GRM1: variants seen among roughly 807,000 people sequenced by gnomAD.
The protein encoded by GRM1 is glutamate metabotropic receptor 1, also known as metabotropic glutamate receptor 1.
GRM1 carries 33 observed loss-of-function variants against 90.9 expected under a neutral mutation model. The ratio of observed to expected loss-of-function variants is 0.36; its 90% CI spans 0.28 to 0.49. The LOEUF is 0.49. GRM1 is among the 20% of genes least tolerant of loss of function. The pLI is 0.99. For missense variants in GRM1, 1,190 were observed against 1,534.3 expected, an observed-to-expected ratio of 0.78 and a Z score of 3.75; for synonymous variants, 700 against 613.2, an observed-to-expected ratio of 1.14 and a Z score of -2.09.
intron 3 of GRM1, among the ~76,000 whole-genome samples, chr6:146,336,612 T>C (rs76284360): frequency 0.11 from 16,440 of 152,240 alleles, 1,707 homozygotes; most frequent in African/African-American, 0.27. Flanking sequence ...GTGAGTGTTC[T>C]AGTTGAAAAG....
chr6:146,269,093 A>G (rs1782020475), intron 2 of GRM1, among the ~76,000 whole-genome samples: 1 of 152,218 alleles, frequency 6.6e-6, no homozygotes, highest in African/African-American at 2.4e-5. Flanking sequence ...CAACATATGT[A>G]TTCCTTAAGG....
chr6:146,063,209 GC>G (rs1775732027), intron 1 of GRM1, among the ~76,000 whole-genome samples: 1 of 152,194 alleles, frequency 6.6e-6, no homozygotes, highest in Non-Finnish European at 1.5e-5. Context: ...CCAGAGCAGT[GC>G]CTCAACAAGT....
intron 2 of GRM1, among the ~76,000 whole-genome samples, chr6:146,222,328 C>T (rs1780090572): frequency 6.6e-6 from 1 of 152,118 alleles, no homozygotes; most frequent in Admixed American, 6.6e-5. Flanking sequence ...ATAAGAAAGA[C>T]ATACATGGTA....
intron 1 of GRM1, among the ~76,000 whole-genome samples, chr6:146,120,898 C>CT (rs1775960283): frequency 6.6e-6 from 1 of 152,064 alleles, no homozygotes. Flanking sequence ...CTAAAATTCT[C>CT]TTTTTTTGTT....
At chr6:146,316,640 C>T (rs1783980070) in intron 3 of GRM1, among the ~76,000 whole-genome samples, 1 of 152,206 alleles carries the variant, frequency 6.6e-6, no homozygotes, top group South Asian at 2.1e-4. Flanking sequence ...AACATCCAGG[C>T]AGTTGACGAC....
At chr6:146,333,279 C>T (rs1393763647) in intron 3 of GRM1, among the ~76,000 whole-genome samples, 1 of 152,062 alleles carries the variant, frequency 6.6e-6, no homozygotes, top group Non-Finnish European at 1.5e-5. Flanking sequence ...CATATGGGTG[C>T]AAACAATGGC....
At chr6:146,219,641 T>C (rs972253594) in intron 2 of GRM1, among the ~76,000 whole-genome samples, 2 of 152,166 alleles carry the variant, frequency 1.3e-5, no homozygotes, top group African/African-American at 4.8e-5. Context: ...TCACATATAG[T>C]GAAGATTAAG....
At chr6:146,247,637 G>C (rs899182084) in intron 2 of GRM1, among the ~76,000 whole-genome samples, 2 of 151,326 alleles carry the variant, frequency 1.3e-5, no homozygotes, top group Non-Finnish European at 2.9e-5. Flanking sequence ...TGTAATCCCA[G>C]CTACTTGGGA....
chr6:146,047,569 C>T (rs1582924590), intron 1 of GRM1, among the ~76,000 whole-genome samples: 1 of 51,324 alleles, frequency 1.9e-5, no homozygotes, highest in East Asian at 6.6e-4. Flanking sequence ...AGGTCACATG[C>T]CTCAGGAAAA....
At chr6:146,104,223 G>A (rs199659347) in intron 1 of GRM1, among the ~76,000 whole-genome samples, 42 of 152,212 alleles carry the variant, frequency 2.8e-4, no homozygotes, top group African/African-American at 9.9e-4. Flanking sequence ...GGCGGATCAC[G>A]AGGTCAGGAG....
At chr6:146,166,608 G>T (rs987914954) in intron 2 of GRM1, among the ~76,000 whole-genome samples, 3 of 152,070 alleles carry the variant, frequency 2.0e-5, no homozygotes, top group Non-Finnish European at 2.9e-5. Context: ...TTGGCCTACT[G>T]ACCTGCCCTC....
At chr6:146,146,796 T>C (rs1321241789) in intron 1 of GRM1, among the ~76,000 whole-genome samples, 2 of 152,190 alleles carry the variant, frequency 1.3e-5, no homozygotes, top group African/African-American at 4.8e-5. Flanking sequence ...CACAAGATGC[T>C]CACCATAGAC....
chr6:146,339,890 G>T (rs1328386330), intron 3 of GRM1, among the ~76,000 whole-genome samples: 1 of 152,208 alleles, frequency 6.6e-6, no homozygotes, highest in African/African-American at 2.4e-5. Context: ...ACTGTGGGAA[G>T]CCAGGGACCA....
chr6:146,238,795 T>A (rs1014896617), intron 2 of GRM1, among the ~76,000 whole-genome samples: 1 of 152,080 alleles, frequency 6.6e-6, no homozygotes. Context: ...ATGAAATATC[T>A]TAAGCACAGG....
intron 2 of GRM1, among the ~76,000 whole-genome samples, chr6:146,221,357 G>A (rs185115363): frequency 2.0e-5 from 3 of 151,818 alleles, no homozygotes; most frequent in Non-Finnish European, 4.4e-5. Flanking sequence ...CCTCCCACCC[G>A]CTGACAGGCC....
chr6:146,113,996 C>T (rs1270747478), intron 1 of GRM1, among the ~76,000 whole-genome samples: 7 of 152,088 alleles, frequency 4.6e-5, no homozygotes, highest in Non-Finnish European at 1.0e-4. Flanking sequence ...ATCAGCTTCC[C>T]TTAATACAGT....
intron 1 of GRM1, among the ~76,000 whole-genome samples, chr6:146,065,166 A>G (rs1775805480): frequency 6.6e-6 from 1 of 152,174 alleles, no homozygotes; most frequent in Admixed American, 6.6e-5. Flanking sequence ...CTTAATGTGT[A>G]CCCTGTAAAA....
intron 2 of GRM1, among the ~76,000 whole-genome samples, chr6:146,162,670 G>A (rs1777773040): frequency 1.3e-5 from 2 of 152,112 alleles, no homozygotes; most frequent in African/African-American, 2.4e-5. Context: ...CATTACAAAG[G>A]CCTTCAAAGC....
chr6:146,178,500 A>G (rs761840895), intron 2 of GRM1, among the ~76,000 whole-genome samples: 5 of 152,226 alleles, frequency 3.3e-5, no homozygotes, highest in Non-Finnish European at 7.3e-5. Flanking sequence ...TTCATATACA[A>G]CTTATACACA....
Sources: gnomAD v4.1 joint callset for allele counts (sites outside exome capture counted in the v4.1 genomes callset) on GRCh38, gnomAD v4.1.1 for gene constraint, MANE v1.5 for transcripts, NCBI Gene and HGNC (gene_info 2026-07-23, HGNC 2026-07-21) for gene names.